CACNB2: variants seen among roughly 807,000 people sequenced by gnomAD.
The protein encoded by CACNB2 is voltage-dependent L-type calcium channel subunit beta-2.
In CACNB2, 42 loss-of-function variants were observed where a neutral mutation model predicts 73.3. The ratio of observed to expected loss-of-function variants is 0.57; its 90% confidence interval spans 0.45 to 0.74. The LOEUF (loss-of-function observed/expected upper bound fraction) is 0.74, where lower values mean the gene tolerates loss of function less well. CACNB2 is among the 30% of genes least tolerant of loss of function. CACNB2 has a pLI of 0.00. For missense variants in CACNB2, 940 were observed against 853.0 expected (o/e 1.10, Z -1.27); for synonymous variants, 348 against 310.3 (o/e 1.12, Z -1.28).
chr10:18,161,804 C>G (rs2032487744), intron 2 of CACNB2, among the ~76,000 whole-genome samples: 1 of 152,024 alleles, frequency 6.6e-6, no homozygotes, highest in Non-Finnish European at 1.5e-5. Context: ...TGGTGGGCAC[C>G]TGTAATCCCA....
At chr10:18,366,295 C>A (rs1414888921) in intron 2 of CACNB2, among the ~76,000 whole-genome samples, 2 of 151,632 alleles carry the variant, frequency 1.3e-5, no homozygotes, top group Non-Finnish European at 2.9e-5. Context: ...GAAACCCCGT[C>A]TCTACTAAAA....
At chr10:18,364,840 A>G (rs1050093167) in intron 2 of CACNB2, among the ~76,000 whole-genome samples, 6 of 152,094 alleles carry the variant, frequency 3.9e-5, no homozygotes, top group African/African-American at 1.4e-4. Context: ...TTCCTTCATT[A>G]TTCTTTAGCT....
At chr10:18,146,962 T>G (rs1385922876) in intron 1 of CACNB2, among the ~76,000 whole-genome samples, 1 of 152,158 alleles carries the variant, frequency 6.6e-6, no homozygotes. Context: ...GGAAGTAATC[T>G]GTAGGTAGGA....
chr10:18,194,992 T>C (rs1205884412), intron 2 of CACNB2, among the ~76,000 whole-genome samples: 1 of 152,214 alleles, frequency 6.6e-6, no homozygotes, highest in African/African-American at 2.4e-5. Context: ...TCAATGAGGC[T>C]GATTCTTAGG....
At chr10:18,533,414 A>G (rs568995482) in intron 10 of CACNB2, 1 of 152,616 alleles carries the variant, frequency 6.6e-6, no homozygotes, top group East Asian at 1.9e-4. Flanking sequence ...ACTGAATGCC[A>G]TTTTCTCGGA....
At chr10:18,255,431 G>A (rs191899181) in intron 2 of CACNB2, among the ~76,000 whole-genome samples, 8 of 152,188 alleles carry the variant, frequency 5.3e-5, no homozygotes, top group South Asian at 4.2e-4. Context: ...CATTCTCATA[G>A]TATTCTGTAC....
At chr10:18,298,156 G>A (rs1413453627) in intron 2 of CACNB2, among the ~76,000 whole-genome samples, 8 of 152,090 alleles carry the variant, frequency 5.3e-5, no homozygotes, top group Admixed American at 5.2e-4. Context: ...ATCACCTGAG[G>A]TCAGGAGTTC....
intron 12 of CACNB2, among the ~76,000 whole-genome samples, chr10:18,536,590 A>G (rs1157947338): frequency 6.6e-6 from 1 of 152,100 alleles, no homozygotes; most frequent in African/African-American, 2.4e-5. Context: ...TGAAAAAAAC[A>G]GTCAAACACC....
intron 2 of CACNB2, among the ~76,000 whole-genome samples, chr10:18,171,787 G>A (rs1415573383): frequency 6.6e-6 from 1 of 151,930 alleles, no homozygotes; most frequent in Non-Finnish European, 1.5e-5. Context: ...TTGTTACCCG[G>A]AGAAGTCAAA....
chr10:18,492,620 C>CAAAAAAAAAAAAAA (rs371407084), intron 3 of CACNB2, among the ~76,000 whole-genome samples: 7 of 90,168 alleles, frequency 7.8e-5, no homozygotes, highest in South Asian at 4.5e-4. Flanking sequence ...GACTCTGTCT[C>CAAAAAAAAAAAAAA]AAAAAAAAAA....
intron 2 of CACNB2, among the ~76,000 whole-genome samples, chr10:18,230,296 G>T (rs2036175617): frequency 6.6e-6 from 1 of 152,198 alleles, no homozygotes; most frequent in Non-Finnish European, 1.5e-5. Flanking sequence ...TTTCCTTGTT[G>T]TTAGAAAATA....
Position 18,539,275 on chromosome 10 carries a change from T to C in CACNB2, c.1534T>C (p.Ser512Pro). The change falls in exon 14 of 14, where the codon TCT becomes CCT. Residue 512 changes from serine to proline, a missense_variant. Transcript: ENST00000324631. ...GACTGATCGCTCCGCTCCTATCCGT[T>C]CTGCTTCCCAAGCTGAAGAAGAACC... ...QRTDRSAPIR[S>P]ASQAEEEPSV... 1 of 1,613,964 alleles carries C rather than the reference T, an allele frequency of 6.2e-7. No homozygotes were observed. Among genetic ancestry groups the C allele is most frequent in the Non-Finnish European group, 8.5e-7 (1 of 1,179,990 alleles).
intron 3 of CACNB2, among the ~76,000 whole-genome samples, chr10:18,447,902 G>A (rs1486607343): frequency 3.3e-5 from 5 of 151,486 alleles, no homozygotes; most frequent in African/African-American, 1.2e-4. Flanking sequence ...AGCTATTTTT[G>A]TTTTCTTTTA....
At position 18,539,319 on chromosome 10, in the gene CACNB2, GAAATCCCA is replaced by G; in HGVS notation, c.1579_1586del (p.Lys527AlafsTer27). 1 of 1,613,946 alleles carries G rather than the reference GAAATCCCA, an allele frequency of 6.2e-7. No homozygotes were observed. Among genetic ancestry groups the G allele is most frequent in the Non-Finnish European group, 8.5e-7 (1 of 1,179,966 alleles). On this transcript the variant is annotated frameshift_variant, in exon 14 of 14. Transcript: ENST00000324631. LOFTEE classifies it high-confidence loss of function. The stretch of plus-strand genomic sequence containing the variant: ...AAGAACCTAGTGTGGAACCAGTCAA[GAAATCCCA>G]GCACCGCTCTTCCTCCTCAGCCCCA...
intron 3 of CACNB2, among the ~76,000 whole-genome samples, chr10:18,451,060 A>G (rs2046999588): frequency 6.6e-6 from 1 of 152,210 alleles, no homozygotes; most frequent in Admixed American, 6.5e-5. Flanking sequence ...TCTTACCTAT[A>G]CATGCGATAA....
rs562255048 is a variant in CACNB2, at chr10:18,151,181, T to C, written c.213+206T>C. 3 of 513,980 alleles carry C rather than the reference T, an allele frequency of 5.8e-6. No individual in the cohort carries two copies. The African/African-American group carries it at 5.9e-5, about 10-fold the overall frequency. 31.8% of individuals were successfully genotyped at this position (513,980 alleles called of 1,614,324 possible). On this transcript the variant is annotated intron_variant, in intron 2 of 13. Transcript: ENST00000324631. ...AATAATTACACTCTTTCCTGGCAAG[T>C]TGAGGAAAGAGAAGTGTGGCATTCA... is the stretch of plus-strand genomic sequence containing the variant.
At chr10:18,514,474 A>C (rs1184770699) in intron 7 of CACNB2, 105 bp downstream of exon 7, 5 of 1,613,862 alleles carry the variant, frequency 3.1e-6, no homozygotes, top group Non-Finnish European at 4.2e-6. Flanking sequence ...AATAACGTGC[A>C]TGCTCTGTTA....
intron 3 of CACNB2, among the ~76,000 whole-genome samples, chr10:18,466,550 G>A (rs570975287): frequency 6.6e-6 from 1 of 152,150 alleles, no homozygotes; most frequent in East Asian, 1.9e-4. Context: ...GTTAATTTTT[G>A]AATTATATGA....
At chr10:18,450,922 C>T (rs937023562) in intron 3 of CACNB2, among the ~76,000 whole-genome samples, 1 of 152,204 alleles carries the variant, frequency 6.6e-6, no homozygotes, top group Non-Finnish European at 1.5e-5. Flanking sequence ...CAGGCATGAG[C>T]CACCACGCCC....
Sources: gnomAD v4.1 joint callset for allele counts (sites outside exome capture counted in the v4.1 genomes callset) on GRCh38, gnomAD v4.1.1 for gene constraint, MANE v1.5 for transcripts, NCBI Gene and HGNC (gene_info 2026-07-23, HGNC 2026-07-21) for gene names.